Variants in HIPK3 observed in about 807,000 individuals in gnomAD.
HIPK3 encodes the protein homeodomain interacting protein kinase 3, also known as homeodomain-interacting protein kinase 3.
Under a neutral mutation model 124.2 loss-of-function variants are expected in HIPK3, and 47 were observed. The observed-to-expected ratio is 0.38, with a 90% CI of 0.30 to 0.48. HIPK3 has a LOEUF of 0.48. Among genes scored for constraint, HIPK3 ranks in the 20% least tolerant of loss-of-function variants. The pLI is 0.98. For missense variants in HIPK3, 1,286 were observed against 1,454.3 expected, an observed-to-expected ratio of 0.88 and a Z score of 1.88; for synonymous variants, 482 against 515.2, an observed-to-expected ratio of 0.94 and a Z score of 0.87.
intron 8 of HIPK3, 63 bp downstream of exon 8, chr11:33,341,749 A>T: frequency 1.4e-6 from 2 of 1,422,764 alleles, no homozygotes; most frequent in South Asian, 2.7e-5. Flanking sequence ...TAAGTTTAGG[A>T]ATCTGTTCAT....
In HIPK3 at chr11:33,355,216, T is replaced by A. The variant is rs1324545214; in HGVS notation, c.*1648T>A. ...AAATTGGGGTTTTGATTTTTTACTT[T>A]GCTTTTCTGTTTGGAGTGTCATTGT... is the stretch of plus-strand genomic sequence containing the variant. On this transcript the variant is annotated 3_prime_UTR_variant, in exon 17 of 17. Coordinates refer to ENST00000303296, the MANE Select transcript of HIPK3 (RefSeq NM_005734.5). The A allele has an allele frequency of 6.6e-6, 1 of 152,142 alleles. No homozygotes were observed. Among genetic ancestry groups the A allele is most frequent in the Non-Finnish European group, 1.5e-5 (1 of 67,954 alleles). The allele number at this position is 152,142 out of a possible 1,614,324, so 9.4% of individuals were successfully genotyped here. A position where few individuals can be genotyped will look rare whatever the true frequency, so the allele number is the denominator to read the frequency against.
At chr11:33,308,946 A>G (rs1271601165) in intron 2 of HIPK3, among the ~76,000 whole-genome samples, 3 of 151,760 alleles carry the variant, frequency 2.0e-5, no homozygotes, top group African/African-American at 4.8e-5. Flanking sequence ...CTTCTCACCA[A>G]TATTTTACTG....
At chr11:33,311,174 C>T (rs1441373652) in intron 2 of HIPK3, among the ~76,000 whole-genome samples, 1 of 152,132 alleles carries the variant, frequency 6.6e-6, no homozygotes, top group Non-Finnish European at 1.5e-5. Flanking sequence ...TGACTTTGCG[C>T]ATTGTTTTTT....
intron 2 of HIPK3, among the ~76,000 whole-genome samples, chr11:33,320,778 G>A (rs1852641128): frequency 6.6e-6 from 1 of 152,194 alleles, no homozygotes; most frequent in African/African-American, 2.4e-5. Context: ...GGGTAGGACT[G>A]TGAGAGAAGT....
chr11:33,341,010 C>A lies in HIPK3; in HGVS notation c.1656C>A (p.His552Gln). Residue 552 changes from histidine to glutamine, a missense_variant, in exon 7 of 17, where the codon CAC (histidine) becomes CAA (glutamine). Around this residue, in one of 3 missense-constraint regions of HIPK3, gnomAD observed 810 missense variants for 864.9 expected, o/e 0.94. Transcript: ENST00000303296. The part of the protein sequence containing the change: ...CFHIMDICKS[H>Q]LNSCDTNNHN... ...ATATTATGGATATTTGTAAGTCCCA[C>A]CTAAATTCATGTGACACAAATAATC... 1 of 1,606,494 alleles carries A rather than the reference C, an allele frequency of 6.2e-7. No homozygotes were observed. Among genetic ancestry groups the A allele is most frequent in the Non-Finnish European group, 8.5e-7 (1 of 1,173,828 alleles).
chr11:33,307,204 G>T (rs2133936418), intron 2 of HIPK3, among the ~76,000 whole-genome samples: 1 of 152,206 alleles, frequency 6.6e-6, no homozygotes, highest in South Asian at 2.1e-4. Flanking sequence ...CTCCCAAAGT[G>T]CTGGCATTAC....
intron 2 of HIPK3, among the ~76,000 whole-genome samples, chr11:33,296,502 C>T (rs1046024065): frequency 3.3e-5 from 5 of 152,202 alleles, no homozygotes; most frequent in Non-Finnish European, 5.9e-5. Context: ...TTCACATATA[C>T]ATGCTTTTTA....
intron 2 of HIPK3, among the ~76,000 whole-genome samples, chr11:33,301,737 A>T (rs1402169669): frequency 1.3e-5 from 2 of 150,886 alleles, no homozygotes; most frequent in African/African-American, 4.9e-5. Context: ...TGGGAGGATT[A>T]CTTGAGCCCA....
At chr11:33,343,329 A>G (rs1410167699) in intron 8 of HIPK3, among the ~76,000 whole-genome samples, 4 of 150,798 alleles carry the variant, frequency 2.7e-5, no homozygotes, top group Admixed American at 6.6e-5. Context: ...TGCCCAGGCT[A>G]GAGTGTGGTA....
chr11:33,349,689 A>G (rs1853600556), intron 14 of HIPK3, among the ~76,000 whole-genome samples: 3 of 152,000 alleles, frequency 2.0e-5, no homozygotes, highest in Non-Finnish European at 4.4e-5. Context: ...GGGCTCAACC[A>G]GTGCTCCCAC....
intron 1 of HIPK3, 121 bp downstream of exon 1, chr11:33,258,010 C>T: frequency 4.8e-6 from 4 of 836,052 alleles, no homozygotes; most frequent in Non-Finnish European, 5.8e-6. Flanking sequence ...TCCGGCGCAG[C>T]CCGCACTCAT....
intron 1 of HIPK3, among the ~76,000 whole-genome samples, chr11:33,283,124 T>C (rs910144372): frequency 1.8e-4 from 28 of 152,042 alleles, no homozygotes; most frequent in Admixed American, 3.9e-4. Context: ...CTTTTTTTTT[T>C]TTTTGAGACG....
In HIPK3 at chr11:33,353,268, T is replaced by C. The variant is rs1853722302; in HGVS notation, c.3348T>C (p.Pro1116=). The change falls in exon 17 of 17, where the codon CCT becomes CCC. Residue 1116 remains proline (P), a synonymous_variant. Transcript: ENST00000303296. ...LAGNTHLGGQ[P]TLLPYPSSAT... Reference sequence around the variant, plus strand: ...GAAATACACACCTCGGAGGACAGCCTACTCTACTTCCATACCCATCATCAG... The same window carrying C: ...GAAATACACACCTCGGAGGACAGCCCACTCTACTTCCATACCCATCATCAG... The C allele has an allele frequency of 1.2e-6, 2 of 1,614,068 alleles. No homozygotes were observed. Among genetic ancestry groups the C allele is most frequent in the African/African-American group, 2.7e-5 (2 of 74,914 alleles).
At chr11:33,262,907 T>C (rs1284765356) in intron 1 of HIPK3, among the ~76,000 whole-genome samples, 1 of 152,168 alleles carries the variant, frequency 6.6e-6, no homozygotes, top group Non-Finnish European at 1.5e-5. Context: ...AGCCTCAACC[T>C]CCTGAGCTCA....
intron 1 of HIPK3, among the ~76,000 whole-genome samples, chr11:33,260,102 A>G (rs1459135378): frequency 6.6e-6 from 1 of 152,202 alleles, no homozygotes; most frequent in Non-Finnish European, 1.5e-5. Context: ...TTAGAGTCAC[A>G]TTAAAATGGA....
At chr11:33,312,681 T>C (rs1190137063) in intron 2 of HIPK3, among the ~76,000 whole-genome samples, 1 of 152,242 alleles carries the variant, frequency 6.6e-6, no homozygotes, top group African/African-American at 2.4e-5. Context: ...ATATTTTATT[T>C]CTAATATGGT....
intron 2 of HIPK3, among the ~76,000 whole-genome samples, chr11:33,298,055 C>T (rs1004415259): frequency 4.6e-5 from 7 of 152,134 alleles, no homozygotes; most frequent in African/African-American, 7.2e-5. Context: ...TCCCAAAGTG[C>T]TGGGATTAAC....
intron 1 of HIPK3, among the ~76,000 whole-genome samples, chr11:33,267,886 A>G (rs1441156049): frequency 6.6e-6 from 1 of 152,196 alleles, no homozygotes; most frequent in African/African-American, 2.4e-5. Flanking sequence ...CAAGTATTTT[A>G]TTGTTTGGCT....
intron 1 of HIPK3, among the ~76,000 whole-genome samples, chr11:33,272,619 TCTTTCCTTTTTC>T (rs1338506592): frequency 6.6e-6 from 1 of 152,004 alleles, no homozygotes; most frequent in African/African-American, 2.4e-5. Flanking sequence ...TTTCCTTTTT[TCTTTCCTTTTTC>T]CTTTTTTCCT....
Sources: allele counts gnomAD v4.1 joint callset (sites outside exome capture counted in the v4.1 genomes callset), GRCh38; gene constraint gnomAD v4.1.1; regional missense constraint gnomAD v4.1.1; transcripts MANE v1.5; gene names NCBI Gene and HGNC (gene_info 2026-07-23, HGNC 2026-07-21).